The following CYRIB variants were observed in gnomAD, a reference collection of about 807,000 sequenced individuals.
CYRIB encodes the protein CYFIP-related Rac1 interactor B.
In CYRIB, 8 loss-of-function variants were observed where a neutral mutation model predicts 44.2. The observed-to-expected ratio is 0.18, with a 90% CI of 0.11 to 0.33. The LOEUF is 0.33. Among genes scored for constraint, CYRIB ranks in the 10% least tolerant of loss-of-function variants. The probability of loss-of-function intolerance (pLI) is 1.00; values close to 1 mark genes in which losing one functional copy is unlikely to be tolerated. For synonymous variants in CYRIB, 131 were observed against 127.2 expected (o/e 1.03, Z -0.20); for missense variants, 185 against 382.8 (o/e 0.48, Z 4.31).
At chr8:129,960,147 G>GA (rs2095154146) in intron 2 of CYRIB, among the ~76,000 whole-genome samples, 1 of 152,150 alleles carries the variant, frequency 6.6e-6, no homozygotes, top group Non-Finnish European at 1.5e-5. Context: ...ATAAATCACT[G>GA]AATGAAAGAC....
intron 2 of CYRIB, among the ~76,000 whole-genome samples, chr8:129,963,194 CTG>C (rs1418674102): frequency 6.6e-6 from 1 of 152,234 alleles, no homozygotes; most frequent in Non-Finnish European, 1.5e-5. Context: ...TGGTGAAAAA[CTG>C]TGTAAGCCTT....
intron 2 of CYRIB, among the ~76,000 whole-genome samples, chr8:129,892,420 A>T (rs2065836907): frequency 6.6e-6 from 1 of 152,188 alleles, no homozygotes; most frequent in Non-Finnish European, 1.5e-5. Flanking sequence ...AACAACTCAA[A>T]AGAAAAGCCT....
intron 1 of CYRIB, among the ~76,000 whole-genome samples, chr8:129,975,961 A>G (rs1441198491): frequency 6.6e-6 from 1 of 152,202 alleles, no homozygotes; most frequent in Non-Finnish European, 1.5e-5. Flanking sequence ...AGGCTAAGAT[A>G]ACTCATTAGT....
chr8:129,990,899 G>A (rs942764077), intron 1 of CYRIB, among the ~76,000 whole-genome samples: 2 of 152,074 alleles, frequency 1.3e-5, no homozygotes, highest in Non-Finnish European at 2.9e-5. Flanking sequence ...TGAGGGCCAA[G>A]GTGAGCGGAT....
intron 2 of CYRIB, among the ~76,000 whole-genome samples, chr8:129,880,702 A>G (rs2060520786): frequency 6.6e-6 from 1 of 152,234 alleles, no homozygotes; most frequent in Admixed American, 6.5e-5. Context: ...TTTGACATAT[A>G]ACTTGCAATA....
intron 4 of CYRIB, among the ~76,000 whole-genome samples, chr8:129,867,988 TCA>T (rs1470852995): frequency 3.3e-5 from 5 of 152,236 alleles, no homozygotes; most frequent in Non-Finnish European, 5.9e-5. Context: ...CAAAACTTCT[TCA>T]CAGTGATGTG....
At chr8:129,973,226 T>C (rs773751640) in intron 1 of CYRIB, among the ~76,000 whole-genome samples, 13 of 152,168 alleles carry the variant, frequency 8.5e-5, no homozygotes, top group Non-Finnish European at 1.8e-4. Context: ...TGGAAAGTGA[T>C]GGATAATCGA....
intron 1 of CYRIB, among the ~76,000 whole-genome samples, chr8:129,988,312 C>T (rs1438189352): frequency 6.6e-6 from 1 of 152,198 alleles, no homozygotes. Context: ...CGCAAGTAGC[C>T]TTGCGCCCTG....
intron 1 of CYRIB, among the ~76,000 whole-genome samples, chr8:129,919,731 A>G (rs898382548): frequency 2.6e-5 from 4 of 152,232 alleles, no homozygotes; most frequent in African/African-American, 9.6e-5. Context: ...GATTTATGTT[A>G]GCATATACAC....
chr8:129,913,143 T>C (rs1275054855), intron 1 of CYRIB, among the ~76,000 whole-genome samples: 3 of 152,006 alleles, frequency 2.0e-5, no homozygotes, highest in African/African-American at 7.3e-5. Flanking sequence ...GGCTAATTTT[T>C]TGTATTTTTA....
intron 1 of CYRIB, among the ~76,000 whole-genome samples, chr8:129,929,630 G>A (rs775681004): frequency 1.3e-5 from 2 of 152,084 alleles, no homozygotes; most frequent in Non-Finnish European, 2.9e-5. Flanking sequence ...AAACCAGTGA[G>A]AAAACAAAAC....
chr8:129,941,285 T>TC (rs1329694305), upstream of CYRIB, among the ~76,000 whole-genome samples: 3 of 150,216 alleles, frequency 2.0e-5, no homozygotes, highest in African/African-American at 7.3e-5. Flanking sequence ...TTTTTTTTTT[T>TC]TTTTTTTGGT....
chr8:129,939,124 T>C (rs940853354), intron 1 of CYRIB, among the ~76,000 whole-genome samples: 2 of 151,210 alleles, frequency 1.3e-5, no homozygotes, highest in African/African-American at 4.9e-5. Flanking sequence ...GAGGGCTGGG[T>C]GTCGAGGCGA....
chr8:129,975,730 T>A (rs552705821), intron 1 of CYRIB, among the ~76,000 whole-genome samples: 2 of 152,256 alleles, frequency 1.3e-5, no homozygotes, highest in African/African-American at 4.8e-5. Flanking sequence ...CTTATTCTAC[T>A]TGGCATAGCA....
chr8:129,843,820 C>T (rs1211668295), intron 11 of CYRIB: 1 of 152,180 alleles, frequency 6.6e-6, no homozygotes, highest in Non-Finnish European at 1.5e-5. Flanking sequence ...TTATTAAGTA[C>T]CTGATATACT....
rs1010090213 is a variant in CYRIB, at chr8:129,879,513, A to G, written c.-10-42T>C. The G allele has an allele frequency of 5.9e-6, 8 of 1,353,866 alleles. 1 individual carries two copies. In the Middle Eastern group the frequency reaches 7.6e-4, roughly 129 times the overall value. The allele number at this position is 1,353,866 out of a possible 1,614,324, so 83.9% of individuals were successfully genotyped here. On this transcript the variant is annotated intron_variant, in intron 2 of 11. Coordinates refer to ENST00000519824, the Ensembl canonical transcript of CYRIB. ...GAGAAAAGAGAAAATATCCCTTTAT[A>G]AAAAAGAACATCTGAAGTTTACTTA... is the stretch of plus-strand genomic sequence containing the variant.
chr8:129,840,436 C>T (rs150637072), exon 12 of CYRIB: 68 of 152,332 alleles, frequency 4.5e-4, no homozygotes, highest in African/African-American at 1.6e-3. Context: ...AGGTTGATCT[C>T]ATTTCCAGGT....
chr8:129,855,793 T>C, intron 5 of CYRIB, 46 bp from the exon 8 acceptor site: 1 of 1,524,500 alleles, frequency 6.6e-7, no homozygotes, highest in East Asian at 2.3e-5. Flanking sequence ...TGTATCTGTG[T>C]GATATTTGTT....
chr8:129,874,313 G>T (rs141542065), intron 3 of CYRIB, among the ~76,000 whole-genome samples: 116 of 152,122 alleles, frequency 7.6e-4, no homozygotes, highest in African/African-American at 2.7e-3. Context: ...CTTATTGAAG[G>T]TAAATTAAAA....
Sources: gnomAD v4.1 joint callset for allele counts (sites outside exome capture counted in the v4.1 genomes callset) on GRCh38, gnomAD v4.1.1 for gene constraint, MANE v1.5 for transcripts, NCBI Gene and HGNC (gene_info 2026-07-23, HGNC 2026-07-21) for gene names.